TDRD12: variants seen among roughly 807,000 people sequenced by gnomAD.
The protein encoded by TDRD12 is putative ATP-dependent RNA helicase TDRD12.
TDRD12 carries 158 observed loss-of-function variants against 133.5 expected under a neutral mutation model. That is an observed-to-expected ratio of 1.18 (90% CI 1.04 to 1.35). The LOEUF is 1.35. TDRD12 is among the 40% of genes most tolerant of loss of function. TDRD12 has a pLI of 0.00. For synonymous variants in TDRD12, 460 were observed against 477.9 expected (o/e 0.96, Z 0.49); for missense variants, 1,443 against 1,321.3 (o/e 1.09, Z -1.43).
rs151327084 is a variant in TDRD12, at chr19:32,818,005, C to G, written c.3315-84C>G. 424 of 698,630 alleles carry G rather than the reference C, an allele frequency of 6.1e-4. 1 individual carries two copies. The highest frequency in any genetic ancestry group is 4.6e-3 in the Middle Eastern group (20 of 4,346). The allele number at this position is 698,630 out of a possible 1,614,324, so 43.3% of individuals were successfully genotyped here. On this transcript the variant is annotated intron_variant, in intron 26 of 27. Transcript: ENST00000444215. ...AAAAAGTGTTTTTACCCATGCACTCCAAGCTCTGTCCTCTACTGTCCCCAG... is the reference window on the plus strand; with the variant it reads ...AAAAAGTGTTTTTACCCATGCACTCGAAGCTCTGTCCTCTACTGTCCCCAG...
intron 11 of TDRD12, among the ~76,000 whole-genome samples, chr19:32,781,008 T>G (rs1288752034): frequency 6.7e-6 from 1 of 149,904 alleles, no homozygotes; most frequent in Non-Finnish European, 1.5e-5. Context: ...AGTGGCGCGA[T>G]CTCAGCTCAC....
chr19:32,813,764 G>T, exon 25 of TDRD12: 1 of 1,531,012 alleles, frequency 6.5e-7, no homozygotes, highest in Non-Finnish European at 8.7e-7. Context: ...ATACAGTTTG[G>T]ATTGATCCAA....
chr19:32,773,130 A>G (rs893048457), intron 9 of TDRD12, among the ~76,000 whole-genome samples: 1 of 152,190 alleles, frequency 6.6e-6, no homozygotes, highest in Middle Eastern at 3.2e-3. Flanking sequence ...AAAATCTGGG[A>G]TTCCAGGGCA....
At chr19:32,745,603 T>C (rs984515824) in intron 4 of TDRD12, among the ~76,000 whole-genome samples, 4 of 152,180 alleles carry the variant, frequency 2.6e-5, no homozygotes, top group Non-Finnish European at 4.4e-5. Flanking sequence ...CATGTATTCA[T>C]GTGATTATTG....
intron 11 of TDRD12, among the ~76,000 whole-genome samples, chr19:32,782,833 A>G (rs1000200291): frequency 2.0e-5 from 3 of 152,058 alleles, no homozygotes; most frequent in Non-Finnish European, 4.4e-5. Context: ...TTTCCTGTAA[A>G]TTTGTTTAAG....
intron 21 of TDRD12, among the ~76,000 whole-genome samples, chr19:32,807,230 G>GCACTC (rs1971575898): frequency 8.0e-6 from 1 of 124,440 alleles, no homozygotes; most frequent in South Asian, 2.6e-4. Context: ...TCTTGCCACT[G>GCACTC]CACTCCAGGC....
At chr19:32,797,283 G>T (rs1478168589) in intron 14 of TDRD12, among the ~76,000 whole-genome samples, 1 of 152,072 alleles carries the variant, frequency 6.6e-6, no homozygotes, top group Non-Finnish European at 1.5e-5. Context: ...ACCCAGCCAG[G>T]GTTCGTCTTT....
At chr19:32,777,290 A>C in intron 11 of TDRD12, 61 bp downstream of exon 11, 2 of 1,041,014 alleles carry the variant, frequency 1.9e-6, no homozygotes, top group Non-Finnish European at 2.8e-6. Flanking sequence ...AATTATAAAC[A>C]AGAGAAATCT....
chr19:32,773,472 T>G, exon 10 of TDRD12: 1 of 1,551,818 alleles, frequency 6.4e-7, no homozygotes. Flanking sequence ...GAATCCTCAG[T>G]GTACTGGCCA....
intron 15 of TDRD12, among the ~76,000 whole-genome samples, 160 bp downstream of exon 15, chr19:32,798,051 A>G (rs11881576): frequency 0.011 from 1,669 of 152,330 alleles, 40 homozygotes; most frequent in African/African-American, 0.038. Flanking sequence ...TCAGCTCCCG[A>G]CGGTTTTGAT....
chr19:32,800,188 T>C (rs1188492178), exon 17 of TDRD12: 1 of 1,514,000 alleles, frequency 6.6e-7, no homozygotes, highest in Non-Finnish European at 8.8e-7. Flanking sequence ...ATTAGATAAC[T>C]TTAAAAAAAA....
chr19:32,827,418 C>T lies in TDRD12; in HGVS notation c.*252C>T, dbSNP rs559582906. On this transcript the variant is annotated 3_prime_UTR_variant, in exon 10 of 10. Transcript: ENST00000637289. The stretch of plus-strand genomic sequence containing the variant: ...TTTTTGAGACAGAGTCTTGCTCTGT[C>T]GGCCAGGCTGGAGTGCAGTGGCATG... The T allele has an allele frequency of 3.4e-5, 12 of 352,958 alleles. No individual in the cohort carries two copies. The South Asian group carries it at 9.2e-4, about 27-fold the overall frequency. 21.9% of individuals were successfully genotyped at this position (352,958 alleles called of 1,614,324 possible).
chr19:32,745,365 G>A (rs1364560975), intron 4 of TDRD12, among the ~76,000 whole-genome samples: 6 of 152,182 alleles, frequency 3.9e-5, no homozygotes, highest in Non-Finnish European at 8.8e-5. Context: ...GACATCTGAT[G>A]CCTTTGTGTT....
At chr19:32,723,911 G>A (rs551693277) in intron 1 of TDRD12, among the ~76,000 whole-genome samples, 16 of 152,156 alleles carry the variant, frequency 1.1e-4, no homozygotes, top group South Asian at 4.1e-4. Flanking sequence ...AGGCTGGAGC[G>A]CAGTGCTGTA....
At chr19:32,739,695 ACT>A (rs762589978) in intron 3 of TDRD12, among the ~76,000 whole-genome samples, 83 of 59,550 alleles carry the variant, frequency 1.4e-3, no homozygotes, top group Non-Finnish European at 1.9e-3. Flanking sequence ...TCTCCTGGGT[ACT>A]CTCTGCATCT....
chr19:32,737,824 G>A (rs1969270737), intron 2 of TDRD12, among the ~76,000 whole-genome samples: 1 of 152,206 alleles, frequency 6.6e-6, no homozygotes, highest in Non-Finnish European at 1.5e-5. Context: ...GTAAACAAAT[G>A]TCAGAGGCCA....
chr19:32,800,096 A>AT (rs1381539486), intron 16 of TDRD12, 71 bp from the exon 17 acceptor site: 15 of 924,892 alleles, frequency 1.6e-5, no homozygotes, highest in Non-Finnish European at 2.2e-5. Flanking sequence ...AAACCCTTAC[A>AT]TTTTATGTTC....
chr19:32,817,183 A>G (rs1260679786), intron 26 of TDRD12, among the ~76,000 whole-genome samples: 2 of 152,198 alleles, frequency 1.3e-5, no homozygotes, highest in African/African-American at 4.8e-5. Context: ...ATTCAGTGGC[A>G]TTTAGGACAT....
At chr19:32,730,131 T>G (rs920038205) in intron 1 of TDRD12, among the ~76,000 whole-genome samples, 13 of 152,162 alleles carry the variant, frequency 8.5e-5, no homozygotes, top group Non-Finnish European at 1.9e-4. Flanking sequence ...ATTGGTCTTC[T>G]CTGGACTCCT....
Sources: allele counts gnomAD v4.1 joint callset (sites outside exome capture counted in the v4.1 genomes callset), GRCh38; gene constraint gnomAD v4.1.1; transcripts MANE v1.5; gene names NCBI Gene and HGNC (gene_info 2026-07-23, HGNC 2026-07-21).